The following RIPOR2 variants were observed in gnomAD, a reference collection of about 807,000 sequenced individuals.
RIPOR2 encodes RHO family interacting cell polarization regulator 2, also known as rho family-interacting cell polarization regulator 2.
In RIPOR2, 39 loss-of-function variants were observed where a neutral mutation model predicts 114.5. That is an observed-to-expected ratio of 0.34 (90% CI 0.26 to 0.44). The LOEUF is 0.44. Ranked by LOEUF, RIPOR2 falls within the 20% of genes least tolerant of loss-of-function variation. RIPOR2 has a pLI of 1.00. For missense variants in RIPOR2, 1,007 were observed against 1,255.1 expected (o/e 0.80, Z 2.99); for synonymous variants, 445 against 484.4 (o/e 0.92, Z 1.07).
rs1762510803 is a variant in RIPOR2, at chr6:24,848,174, C to A, written c.1035-20G>T. The stretch of plus-strand genomic sequence containing the variant: ...AATGGACTGCAAAACAACAGGTCCC[C>A]AGGTATGCACATTTGGCAAAATCAC... On this transcript the variant is annotated intron_variant, in intron 11 of 21. Transcript: ENST00000643898. 5.0e-6 allele frequency: 8 copies of A among 1,611,308 alleles called. No individual in the cohort carries two copies. The East Asian group carries it at 1.8e-4, about 36-fold the overall frequency.
intron 14 of RIPOR2, among the ~76,000 whole-genome samples, chr6:24,838,827 A>C (rs1170102174): frequency 6.6e-6 from 1 of 152,138 alleles, no homozygotes; most frequent in Non-Finnish European, 1.5e-5. Context: ...CTTGTATAAA[A>C]CACTCTCATA....
At chr6:25,021,087 G>A (rs1776297310) in intron 1 of RIPOR2, among the ~76,000 whole-genome samples, 1 of 152,170 alleles carries the variant, frequency 6.6e-6, no homozygotes. Context: ...TCGAACTCCT[G>A]ACCTCAGGTG....
At chr6:24,809,582 C>G (rs1781001018) in intron 21 of RIPOR2, 135 bp downstream of exon 21, 1 of 647,086 alleles carries the variant, frequency 1.5e-6, no homozygotes, top group South Asian at 1.8e-5. Flanking sequence ...TGTGAGAAGA[C>G]AGCCTACAGC....
intron 16 of RIPOR2, among the ~76,000 whole-genome samples, chr6:24,831,003 A>G (rs7741582): frequency 0.79 from 120,063 of 151,580 alleles, 48,689 homozygotes; most frequent in East Asian, 0.96. Context: ...AGCGTGAGCC[A>G]CCACGCCTGG....
chr6:24,934,201 G>A (rs552621284), intron 1 of RIPOR2, among the ~76,000 whole-genome samples: 2 of 152,234 alleles, frequency 1.3e-5, no homozygotes, highest in East Asian at 1.9e-4. Flanking sequence ...GCATTTTTCA[G>A]GTCCTCAAAA....
At chr6:24,902,555 C>T (rs1385275098) in intron 1 of RIPOR2, among the ~76,000 whole-genome samples, 4 of 152,066 alleles carry the variant, frequency 2.6e-5, no homozygotes, top group African/African-American at 9.7e-5. Context: ...AAGTGGGACC[C>T]CAATTTGAGG....
At chr6:24,842,451 T>G (rs1761813650) in intron 13 of RIPOR2, among the ~76,000 whole-genome samples, 1 of 152,192 alleles carries the variant, frequency 6.6e-6, no homozygotes, top group African/African-American at 2.4e-5. Context: ...CAGTGGCTCA[T>G]GGCTCTCACA....
intron 1 of RIPOR2, among the ~76,000 whole-genome samples, chr6:24,892,388 A>C (rs1394019458): frequency 6.6e-6 from 1 of 152,100 alleles, no homozygotes; most frequent in Non-Finnish European, 1.5e-5. Context: ...CTCTCCCCTT[A>C]GCCTTGTTTC....
chr6:25,001,977 G>T (rs1302145462), intron 1 of RIPOR2, among the ~76,000 whole-genome samples: 1 of 151,886 alleles, frequency 6.6e-6, no homozygotes, highest in East Asian at 1.9e-4. Flanking sequence ...CGAAGTGCTG[G>T]CATTACAGGT....
intron 7 of RIPOR2, 143 bp from the exon 8 acceptor site, chr6:24,861,179 A>C: frequency 7.0e-6 from 4 of 573,364 alleles, no homozygotes; most frequent in Middle Eastern, 3.0e-4. Flanking sequence ...AGCCTAAGAA[A>C]CATTCTTGAC....
intron 1 of RIPOR2, among the ~76,000 whole-genome samples, chr6:24,907,132 A>T (rs1353096596): frequency 6.6e-6 from 1 of 152,222 alleles, no homozygotes; most frequent in Non-Finnish European, 1.5e-5. Flanking sequence ...TAAATGGTGT[A>T]CAAAATAACT....
chr6:24,872,810 C>T, intron 4 of RIPOR2, 71 bp downstream of exon 4: 1 of 1,009,052 alleles, frequency 9.9e-7, no homozygotes, highest in Admixed American at 1.7e-5. Flanking sequence ...CCTCCCCAGC[C>T]CCATCCAGTA....
intron 1 of RIPOR2, among the ~76,000 whole-genome samples, chr6:25,038,277 C>T (rs184030249): frequency 1.2e-3 from 179 of 152,330 alleles, no homozygotes; most frequent in African/African-American, 4.3e-3. Flanking sequence ...GAAGATGGCC[C>T]CACGATTCTT....
chr6:24,992,073 C>G (rs143414064), intron 1 of RIPOR2, among the ~76,000 whole-genome samples: 44 of 152,296 alleles, frequency 2.9e-4, no homozygotes, highest in African/African-American at 6.5e-4. Context: ...ACCTGGTGGT[C>G]AGAGTGTTGT....
At chr6:24,926,699 G>T (rs956225950) in intron 1 of RIPOR2, among the ~76,000 whole-genome samples, 1 of 152,212 alleles carries the variant, frequency 6.6e-6, no homozygotes. Context: ...TATAGACTTG[G>T]GGGGCTGAGA....
chr6:24,894,700 C>T (rs913454922), intron 1 of RIPOR2, among the ~76,000 whole-genome samples: 3 of 152,176 alleles, frequency 2.0e-5, no homozygotes, highest in Non-Finnish European at 2.9e-5. Context: ...TATCCCATAA[C>T]CATTCCCAAC....
intron 1 of RIPOR2, chr6:24,877,412 C>A (rs892375337): frequency 8.1e-5 from 77 of 945,076 alleles, no homozygotes; most frequent in Non-Finnish European, 9.3e-5. Context: ...GCTCTTTCAT[C>A]TGGGTGAGAT....
At chr6:24,836,069 C>T in intron 14 of RIPOR2, 198 bp from the exon 15 acceptor site, 1 of 569,266 alleles carries the variant, frequency 1.8e-6, no homozygotes, top group Non-Finnish European at 3.1e-6. Flanking sequence ...AAAGGACATG[C>T]AAACAAATTG....
In RIPOR2 at chr6:24,969,503, C is replaced by G. The variant is rs1182055002; in HGVS notation, c.76+72348G>C. Among the ~76,000 whole-genome samples, 11 of 152,182 alleles carry G rather than the reference C, an allele frequency of 7.2e-5. No homozygotes were observed. In the South Asian group the frequency reaches 2.1e-3, roughly 29 times the overall value. ...CTCTTTGACATACTGAGTTGAATAA[C>G]TTTTTACTCACTTATTTTCACAGTG... On this transcript the variant is annotated intron_variant, in intron 1 of 13. Transcript: ENST00000510784.
Sources: gnomAD v4.1 joint callset for allele counts (sites outside exome capture counted in the v4.1 genomes callset) on GRCh38, gnomAD v4.1.1 for gene constraint, MANE v1.5 for transcripts, NCBI Gene and HGNC (gene_info 2026-07-23, HGNC 2026-07-21) for gene names.